C17orf113: variants seen among roughly 807,000 people sequenced by gnomAD.
The protein encoded by C17orf113 is uncharacterized protein C17orf113.
A neutral mutation model predicts 11.6 loss-of-function variants in C17orf113; 5 were observed. That is an observed-to-expected ratio of 0.43 (90% CI 0.23 to 0.91). The LOEUF is 0.91. C17orf113 is among the 40% of genes least tolerant of loss of function. C17orf113 has a pLI of 0.26. For synonymous variants in C17orf113, 327 were observed against 390.6 expected (o/e 0.84, Z 1.92); for missense variants, 714 against 841.3 (o/e 0.85, Z 1.87).
rs535888327 is a variant in C17orf113, at chr17:42,048,071, G to A, written c.-188+2486C>T. Among the ~76,000 whole-genome samples, 122 of 151,906 alleles carry A rather than the reference G, an allele frequency of 8.0e-4. 2 individuals are homozygous for A. Among genetic ancestry groups the A allele is most frequent in the Admixed American group, 7.3e-3 (111 of 15,252 alleles). ...TTCCTTCCTCTGTCCATCACTCCTT[G>A]GCCTCTGGAGGTCATCTCCTCCCCC... On this transcript the variant is annotated intron_variant, in intron 1 of 2. Coordinates refer to ENST00000587304, the MANE Select transcript of C17orf113 (RefSeq NM_001358661.2).
At chr17:42,042,792 C>T in intron 2 of C17orf113, 42 bp downstream of exon 2, 1 of 1,229,152 alleles carries the variant, frequency 8.1e-7, no homozygotes, top group Non-Finnish European at 1.0e-6. Context: ...TCAGTGTCCT[C>T]CCTTCCCAAG....
Position 42,039,513 on chromosome 17 carries a change from G to T in C17orf113, c.*192C>A. 4.7e-6 allele frequency: 2 copies of T among 423,724 alleles called. No homozygotes were observed. The highest frequency in any genetic ancestry group is 7.8e-6 in the Non-Finnish European group (2 of 258,016). 26.2% of individuals were successfully genotyped at this position (423,724 alleles called of 1,614,324 possible). On this transcript the variant is annotated 3_prime_UTR_variant, in exon 3 of 3. Transcript: ENST00000587304. ...GCCCACCCGCCCAGGCCCCTCTTGA[G>T]CCAGTCCCTTCCTCCACAGCCCACA... is the stretch of plus-strand genomic sequence containing the variant.
intron 1 of C17orf113, among the ~76,000 whole-genome samples, chr17:42,047,110 C>T (rs1277978532): frequency 6.7e-6 from 1 of 150,360 alleles, no homozygotes; most frequent in Non-Finnish European, 1.5e-5. Flanking sequence ...CGGCTCACTG[C>T]AAACCCCACC....
Position 42,043,484 on chromosome 17 carries a change from A to G in C17orf113, c.-108T>C. The stretch of plus-strand genomic sequence containing the variant: ...TGACAAGGAGAGTTGATGGGGAGGC[A>G]GGCTGGGGGCAGCCCGCCAGGCTAA... On this transcript the variant is annotated 5_prime_UTR_variant, in exon 2 of 3. Transcript: ENST00000587304. 9.7e-7 allele frequency: 1 copy of G among 1,025,818 alleles called. No homozygotes were observed. The highest frequency in any genetic ancestry group is 1.2e-6 in the Non-Finnish European group (1 of 800,708). The allele number at this position is 1,025,818 out of a possible 1,614,324, so 63.5% of individuals were successfully genotyped here. A position where few individuals can be genotyped will look rare whatever the true frequency, so the allele number is the denominator to read the frequency against.
At position 42,043,495 on chromosome 17, in the gene C17orf113, A is replaced by T; in HGVS notation, c.-119T>A. 1.1e-6 allele frequency: 1 copy of T among 882,962 alleles called. No homozygotes were observed. Among genetic ancestry groups the T allele is most frequent in the East Asian group, 3.3e-5 (1 of 30,158 alleles). The allele number at this position is 882,962 out of a possible 1,614,324, so 54.7% of individuals were successfully genotyped here. ...GTTGATGGGGAGGCAGGCTGGGGGCAGCCCGCCAGGCTAACAGGGCCCATC... is the reference window on the plus strand; with the variant it reads ...GTTGATGGGGAGGCAGGCTGGGGGCTGCCCGCCAGGCTAACAGGGCCCATC... On this transcript the variant is annotated 5_prime_UTR_variant, in exon 2 of 3. Transcript: ENST00000587304.
Position 42,040,390 on chromosome 17 carries a change from G to A in C17orf113, c.1343C>T (p.Ala448Val). 1 of 1,231,974 alleles carries A rather than the reference G, an allele frequency of 8.1e-7. No individual in the cohort carries two copies. The highest frequency in any genetic ancestry group is 1.0e-6 in the Non-Finnish European group (1 of 987,962). 76.3% of individuals were successfully genotyped at this position (1,231,974 alleles called of 1,614,324 possible). The change falls in exon 3 of 3, where the codon GCC (alanine) becomes GTC (valine). Residue 448 changes from alanine to valine, a missense_variant. Physicochemically the swap from Ala to Val is moderately conservative, Grantham distance 64. Around this residue, in one of 3 missense-constraint regions of C17orf113, gnomAD observed 516 missense variants for 626.6 expected, o/e 0.82. Coordinates refer to ENST00000587304, the MANE Select transcript of C17orf113 (RefSeq NM_001358661.2). ...TTCCTGCAGGAAGCCCTGGAGGCGG[G>A]CCCCACCTGAGCCGCGCTGAGCTTG... is the stretch of plus-strand genomic sequence containing the variant. The part of the protein sequence containing the change: ...SLQAQRGSGG[A>V]RLQGFLQELA...
In C17orf113 at chr17:42,050,249, C is replaced by T. The variant is rs1314127290; in HGVS notation, c.-188+308G>A. On this transcript the variant is annotated intron_variant, in intron 1 of 2. Coordinates refer to ENST00000587304, the MANE Select transcript of C17orf113 (RefSeq NM_001358661.2). The surrounding 1 kb of genome is among the most constrained non-coding windows in gnomAD (Gnocchi z 5.6). Reference sequence around the variant, plus strand: ...GCCCCAGAATGTGGGTCCCGAGCCTCCTCCCCGGGCTCCTGGGGGCCCCTT... The same window carrying T: ...GCCCCAGAATGTGGGTCCCGAGCCTTCTCCCCGGGCTCCTGGGGGCCCCTT... 1.3e-5 allele frequency among the ~76,000 whole-genome samples: 2 copies of T among 152,192 alleles called. No homozygotes were observed. Among genetic ancestry groups the T allele is most frequent in the Non-Finnish European group, 2.9e-5 (2 of 68,000 alleles).
Position 42,040,187 on chromosome 17 carries a change from C to CCAGCGAA in C17orf113, c.1545_1546insTTCGCTG (p.Ala516PhefsTer52). The stretch of plus-strand genomic sequence containing the variant: ...CGGGGGTCGAAGATCGCTGCGAAGG[C>CCAGCGAA]GGCCACGGCGTCCAGCGAAGGCCCG... On this transcript the variant is annotated frameshift_variant, in exon 3 of 3. Transcript: ENST00000587304. LOFTEE classifies it low-confidence loss of function (END_TRUNC). 1 of 1,231,568 alleles carries CCAGCGAA rather than the reference C, an allele frequency of 8.1e-7. No individual in the cohort carries two copies. The highest frequency in any genetic ancestry group is 1.0e-6 in the Non-Finnish European group (1 of 987,842). The allele number at this position is 1,231,568 out of a possible 1,614,324, so 76.3% of individuals were successfully genotyped here.
At chr17:42,044,158 AAAAAAT>A (rs1276599245) in intron 1 of C17orf113, among the ~76,000 whole-genome samples, 1 of 149,666 alleles carries the variant, frequency 6.7e-6, no homozygotes, top group African/African-American at 2.5e-5. Flanking sequence ...AAAAAAAAAA[AAAAAAT>A]TAGCCAGGCA....
At chr17:42,047,885 C>CCT (rs1555656779) in intron 1 of C17orf113, among the ~76,000 whole-genome samples, 1 of 151,774 alleles carries the variant, frequency 6.6e-6, no homozygotes, top group East Asian at 2.0e-4. Context: ...GAACTCCTGA[C>CCT]CTCGTGATCT....
In C17orf113 at chr17:42,041,165, T is replaced by G. The variant is rs2053010327; in HGVS notation, c.568A>C (p.Thr190Pro). The change falls in exon 3 of 3, where the codon ACA (threonine) becomes CCA (proline). Residue 190 changes from threonine (T) to proline (P), a missense_variant. Transcript: ENST00000587304. ...MQVAIASVLHTEACQRLKASP... is the reference protein window; with the variant it reads ...MQVAIASVLHPEACQRLKASP... The stretch of plus-strand genomic sequence containing the variant: ...GCCTTCAGGCGCTGGCAGGCCTCTG[T>G]GTGCAAGACACTGGCAATGGCCACC... The G allele has an allele frequency of 8.1e-7, 1 of 1,232,238 alleles. No individual in the cohort carries two copies. Among genetic ancestry groups the G allele is most frequent in the Admixed American group, 4.2e-5 (1 of 23,726 alleles). 76.3% of individuals were successfully genotyped at this position (1,232,238 alleles called of 1,614,324 possible).
intron 1 of C17orf113, among the ~76,000 whole-genome samples, chr17:42,048,337 GA>G (rs2053212007): frequency 6.8e-6 from 1 of 146,364 alleles, no homozygotes; most frequent in African/African-American, 2.5e-5. Context: ...CCATGAGTTT[GA>G]GACCAGCCTG....
At position 42,043,160 on chromosome 17, in the gene C17orf113, G is replaced by A. The variant is rs952057228; in HGVS notation, c.217C>T (p.Arg73Cys). The change falls in exon 2 of 3, where the codon CGC becomes TGC. Residue 73 changes from arginine (R) to cysteine (C), a missense_variant. Coordinates refer to ENST00000587304, the MANE Select transcript of C17orf113 (RefSeq NM_001358661.2). ...GTCACGTGGCGCAGCAGGGCGTGGC[G>A]CTGGAAGTTGTCTGTGCCCACAGTG... The part of the protein sequence containing the change: ...AFTVGTDNFQ[R>C]HALLRHVTSG... 1.1e-4 allele frequency: 134 copies of A among 1,232,098 alleles called. No individual in the cohort carries two copies. The highest frequency in any genetic ancestry group is 3.1e-4 in the Middle Eastern group (1 of 3,230). The allele number at this position is 1,232,098 out of a possible 1,614,324, so 76.3% of individuals were successfully genotyped here.
In C17orf113 at chr17:42,050,341, A is replaced by C. The variant is rs1458267043; in HGVS notation, c.-188+216T>G. On this transcript the variant is annotated intron_variant, in intron 1 of 2. Transcript: ENST00000587304. This position sits in a 1 kb window ranked among gnomAD's most constrained non-coding sequence, Gnocchi z 5.6. ...AGGGCCGGGCGCCCCCTGCTCTGACAGCCCTGGTGAGAAGGGGCTCCCCTG... is the reference window on the plus strand; with the variant it reads ...AGGGCCGGGCGCCCCCTGCTCTGACCGCCCTGGTGAGAAGGGGCTCCCCTG... 6.6e-6 allele frequency among the ~76,000 whole-genome samples: 1 copy of C among 152,104 alleles called. No homozygotes were observed. The highest frequency in any genetic ancestry group is 6.5e-5 in the Admixed American group (1 of 15,286).
rs974700305 is a variant in C17orf113, at chr17:42,042,870, G to A, written c.507C>T (p.Gly169=). 24 of 1,232,154 alleles carry A rather than the reference G, an allele frequency of 1.9e-5. No homozygotes were observed. Among genetic ancestry groups the A allele is most frequent in the Non-Finnish European group, 2.3e-5 (23 of 988,060 alleles). 76.3% of individuals were successfully genotyped at this position (1,232,154 alleles called of 1,614,324 possible). Residue 169 remains glycine, a synonymous_variant, in exon 2 of 3, where the codon GGC becomes GGT. Transcript: ENST00000587304. The stretch of plus-strand genomic sequence containing the variant: ...TCACCCTCCTGGGACTGTAGTAATC[G>A]CCATGCTCTGTGCCCAGCAGTGCCT... ...LCQALLGTEH[G]DYYSPRRVRD...
rs1272099423 is a variant in C17orf113, at chr17:42,040,630, C to G, written c.1103G>C (p.Trp368Ser). 47 of 1,232,264 alleles carry G rather than the reference C, an allele frequency of 3.8e-5. No homozygotes were observed. The highest frequency in any genetic ancestry group is 4.6e-5 in the Non-Finnish European group (45 of 988,132). The allele number at this position is 1,232,264 out of a possible 1,614,324, so 76.3% of individuals were successfully genotyped here. The stretch of plus-strand genomic sequence containing the variant: ...CTCCAGGGTGGGCACCAGGCCAGGC[C>G]AGGCCTCGGCCACTGCTTCCACTAC... The part of the protein sequence containing the change: ...LPVVEAVAEA[W>S]PGLVPTLEAA... The change falls in exon 3 of 3, where the codon TGG becomes TCG. Residue 368 changes from tryptophan (W) to serine (S), a missense_variant. This residue lies in a region of C17orf113 where 516 missense variants were observed against 626.6 expected (regional missense o/e 0.82). Transcript: ENST00000587304.
At chr17:42,048,823 C>T (rs2053224638) in intron 1 of C17orf113, among the ~76,000 whole-genome samples, 1 of 151,904 alleles carries the variant, frequency 6.6e-6, no homozygotes, top group Non-Finnish European at 1.5e-5. Context: ...TGACTGCACA[C>T]TGGGTTTCCA....
rs1435370519 is a variant in C17orf113 at position 42,041,110 on chromosome 17, T to C, written c.623A>G (p.Glu208Gly). The C allele has an allele frequency of 4.1e-6, 5 of 1,232,282 alleles. No homozygotes were observed. Among genetic ancestry groups the C allele is most frequent in the Non-Finnish European group, 4.0e-6 (4 of 988,044 alleles). 76.3% of individuals were successfully genotyped at this position (1,232,282 alleles called of 1,614,324 possible). A position where few individuals can be genotyped will look rare whatever the true frequency, so the allele number is the denominator to read the frequency against. Residue 208 changes from glutamate to glycine, a missense_variant, in exon 3 of 3, where the codon GAG (glutamate) becomes GGG (glycine). By Grantham distance (98) the Glu-to-Gly change is moderately conservative. Around this residue, in one of 3 missense-constraint regions of C17orf113, gnomAD observed 516 missense variants for 626.6 expected, o/e 0.82. Coordinates refer to ENST00000587304, the MANE Select transcript of C17orf113 (RefSeq NM_001358661.2). Reference sequence around the variant, plus strand: ...GTGTGACTCCGGCCAGTCTCTGGTCTCGTCCAACACCAGCCCCACATATGG... The same window carrying C: ...GTGTGACTCCGGCCAGTCTCTGGTCCCGTCCAACACCAGCCCCACATATGG... ...ASPYVGLVLD[E>G]TRDWPESHSL... is the part of the protein sequence containing the mutation.
In C17orf113 at chr17:42,039,496, G is replaced by A. The variant is rs1303268235; in HGVS notation, c.*209C>T. On this transcript the variant is annotated 3_prime_UTR_variant, in exon 3 of 3. Transcript: ENST00000587304. ...CAGATCCTAGCATCTCTGCCCACCC[G>A]CCCAGGCCCCTCTTGAGCCAGTCCC... 1.8e-5 allele frequency: 4 copies of A among 226,436 alleles called. No individual in the cohort carries two copies. Among genetic ancestry groups the A allele is most frequent in the Non-Finnish European group, 2.5e-5 (3 of 118,878 alleles). The allele number at this position is 226,436 out of a possible 1,614,324, so 14.0% of individuals were successfully genotyped here. A position where few individuals can be genotyped will look rare whatever the true frequency, so the allele number is the denominator to read the frequency against.
Sources: gnomAD v4.1 joint callset for allele counts (sites outside exome capture counted in the v4.1 genomes callset) on GRCh38, gnomAD v4.1.1 for gene constraint, gnomAD v4.1.1 regional missense constraint, Gnocchi (gnomAD v3.1) non-coding constraint, MANE v1.5 for transcripts, NCBI Gene and HGNC (gene_info 2026-07-23, HGNC 2026-07-21) for gene names.